EFCAB6: variants seen among roughly 807,000 people sequenced by gnomAD.
The protein encoded by EFCAB6 is EF-hand calcium binding domain 6.
EFCAB6 carries 156 observed loss-of-function variants against 169.8 expected under a neutral mutation model. That is an observed-to-expected ratio of 0.92 (90% CI 0.81 to 1.05). The LOEUF (loss-of-function observed/expected upper bound fraction) is 1.05, where lower values mean the gene tolerates loss of function less well. Among genes scored for constraint, EFCAB6 ranks in the 50% least tolerant of loss-of-function variants. The pLI, the probability that EFCAB6 is intolerant of heterozygous loss-of-function variation, is 0.00. For synonymous variants in EFCAB6, 698 were observed against 676.4 expected, an observed-to-expected ratio of 1.03 and a Z score of -0.50; for missense variants, 1,800 against 1,829.1, an observed-to-expected ratio of 0.98 and a Z score of 0.29.
At chr22:43,698,379 C>A (rs983375933) in intron 10 of EFCAB6, among the ~76,000 whole-genome samples, 3 of 152,184 alleles carry the variant, frequency 2.0e-5, no homozygotes, top group Admixed American at 6.5e-5. Context: ...TCAAATCGGG[C>A]TTCCTTGTCT....
At chr22:43,629,583 C>G (rs554114850) in intron 19 of EFCAB6, among the ~76,000 whole-genome samples, 4 of 152,090 alleles carry the variant, frequency 2.6e-5, no homozygotes, top group Non-Finnish European at 5.9e-5. Context: ...AGAAATGGCT[C>G]GGGGCTCACT....
chr22:43,629,657 T>A (rs1272212288), intron 19 of EFCAB6, among the ~76,000 whole-genome samples: 1 of 152,014 alleles, frequency 6.6e-6, no homozygotes, highest in African/African-American at 2.4e-5. Context: ...GAGAGGGGAA[T>A]GTGCAGTGGC....
At chr22:43,610,312 G>A (rs562768662) in intron 21 of EFCAB6, among the ~76,000 whole-genome samples, 3 of 152,268 alleles carry the variant, frequency 2.0e-5, no homozygotes, top group Admixed American at 1.3e-4. Flanking sequence ...TATGACCATC[G>A]TCACAGTTTC....
chr22:43,803,578 G>A (rs1035095434), intron 2 of EFCAB6, among the ~76,000 whole-genome samples: 1 of 151,992 alleles, frequency 6.6e-6, no homozygotes, highest in Admixed American at 6.6e-5. Context: ...GAAAAAGAAG[G>A]TCACTATATA....
intron 20 of EFCAB6, among the ~76,000 whole-genome samples, chr22:43,623,430 C>G (rs1269942740): frequency 6.6e-6 from 1 of 152,010 alleles, no homozygotes; most frequent in Non-Finnish European, 1.5e-5. Context: ...ATTTATATAC[C>G]TTAAAATGAA....
In EFCAB6 at chr22:43,782,223, T is replaced by C. The variant is rs74957153; in HGVS notation, c.96A>G (p.Val32=). The change falls in exon 3 of 32, where the codon GTA becomes GTG. Residue 32 remains valine (V), a synonymous_variant. Transcript: ENST00000262726. ...TATTTGGGGAACCATTCCTTGAATA[T>C]ACTCTACACGGTGAAGAATGGGGTC... ...HSRPHSSPCR[V]YSRNGSPNKF... 167,292 of 1,613,176 alleles carry C rather than the reference T, an allele frequency of 0.1. 9,879 individuals carry two copies. The highest frequency in any genetic ancestry group is 0.2 in the East Asian group (8,920 of 44,846).
intron 23 of EFCAB6, among the ~76,000 whole-genome samples, chr22:43,591,226 G>A (rs963712038): frequency 3.7e-4 from 56 of 150,554 alleles, no homozygotes; most frequent in African/African-American, 7.1e-4. Context: ...GGGAGGCTGC[G>A]GTGGGTAGAT....
intron 17 of EFCAB6, among the ~76,000 whole-genome samples, chr22:43,649,974 G>C (rs947573081): frequency 6.6e-6 from 1 of 152,194 alleles, no homozygotes; most frequent in Non-Finnish European, 1.5e-5. Context: ...TAGTGAGAAA[G>C]AAAAATAAGA....
chr22:43,538,709 C>T (rs1174543771), intron 28 of EFCAB6, among the ~76,000 whole-genome samples: 1 of 152,086 alleles, frequency 6.6e-6, no homozygotes, highest in African/African-American at 2.4e-5. Context: ...TTAAAGAGTC[C>T]CTCAGATTAT....
At chr22:43,570,927 G>A (rs2049828036) in intron 26 of EFCAB6, among the ~76,000 whole-genome samples, 1 of 152,240 alleles carries the variant, frequency 6.6e-6, no homozygotes, top group South Asian at 2.1e-4. Flanking sequence ...CCCTGGGGCG[G>A]GCTGGTCTGC....
intron 8 of EFCAB6, among the ~76,000 whole-genome samples, chr22:43,724,408 C>A (rs1439619340): frequency 1.4e-5 from 2 of 147,666 alleles, no homozygotes; most frequent in Non-Finnish European, 3.0e-5. Flanking sequence ...CGCTCTGTCT[C>A]CCAGGCTGGA....
At chr22:43,752,242 T>C (rs2060798492) in intron 6 of EFCAB6, among the ~76,000 whole-genome samples, 1 of 151,566 alleles carries the variant, frequency 6.6e-6, no homozygotes, top group Non-Finnish European at 1.5e-5. Flanking sequence ...CTCAGCCTCC[T>C]GAGCAGCTGG....
At chr22:43,542,431 T>C (rs1306120399) in intron 27 of EFCAB6, among the ~76,000 whole-genome samples, 3 of 152,070 alleles carry the variant, frequency 2.0e-5, no homozygotes, top group Non-Finnish European at 4.4e-5. Context: ...AATACAAAAA[T>C]TAGCTGGGCG....
chr22:43,648,824 T>C (rs1454180164), intron 17 of EFCAB6, among the ~76,000 whole-genome samples: 1 of 152,220 alleles, frequency 6.6e-6, no homozygotes, highest in African/African-American at 2.4e-5. Context: ...CATGATACTT[T>C]ATAAAATTGA....
At chr22:43,550,978 T>A (rs557185781) in intron 27 of EFCAB6, among the ~76,000 whole-genome samples, 65 of 152,316 alleles carry the variant, frequency 4.3e-4, no homozygotes, top group African/African-American at 1.5e-3. Context: ...TTCCCTCACT[T>A]ACAGAGCTCG....
chr22:43,670,048 A>G (rs1054464081), intron 15 of EFCAB6, among the ~76,000 whole-genome samples: 5 of 152,204 alleles, frequency 3.3e-5, no homozygotes, highest in African/African-American at 1.2e-4. Flanking sequence ...GACTAGGGGT[A>G]GGTTTTCAGT....
intron 17 of EFCAB6, among the ~76,000 whole-genome samples, chr22:43,640,761 G>C (rs905181578): frequency 6.6e-6 from 1 of 152,068 alleles, no homozygotes; most frequent in African/African-American, 2.4e-5. Context: ...TCAGGCATTT[G>C]GTTATTTAAT....
chr22:43,781,895 A>G (rs1247973389), intron 3 of EFCAB6, among the ~76,000 whole-genome samples: 3 of 152,190 alleles, frequency 2.0e-5, no homozygotes, highest in Non-Finnish European at 4.4e-5. Flanking sequence ...CTACTAATTT[A>G]CTGAGTGAGT....
intron 23 of EFCAB6, 140 bp downstream of exon 23, chr22:43,599,929 T>G: frequency 1.1e-6 from 1 of 946,724 alleles, no homozygotes. Context: ...ATTTCTAGAA[T>G]CGACAACTGT....
Sources: gnomAD v4.1 joint callset for allele counts (sites outside exome capture counted in the v4.1 genomes callset) on GRCh38, gnomAD v4.1.1 for gene constraint, MANE v1.5 for transcripts, NCBI Gene and HGNC (gene_info 2026-07-23, HGNC 2026-07-21) for gene names.